Variants in LHFPL3 observed in about 807,000 individuals in gnomAD.
LHFPL3 encodes the protein LHFPL tetraspan subfamily member 3 protein.
In LHFPL3, 5 loss-of-function variants were observed where a neutral mutation model predicts 19.3. That is an observed-to-expected ratio of 0.26 (90% CI 0.14 to 0.54). The LOEUF (loss-of-function observed/expected upper bound fraction) is 0.54, where lower values mean the gene tolerates loss of function less well. LHFPL3 is among the 20% of genes least tolerant of loss of function. The pLI is 0.94. For missense variants in LHFPL3, 249 were observed against 307.4 expected, an observed-to-expected ratio of 0.81 and a Z score of 1.42; for synonymous variants, 133 against 126.2, an observed-to-expected ratio of 1.05 and a Z score of -0.36.
At chr7:104,793,209 T>C (rs2116452787) in intron 2 of LHFPL3, among the ~76,000 whole-genome samples, 1 of 152,308 alleles carries the variant, frequency 6.6e-6, no homozygotes, top group South Asian at 2.1e-4. Context: ...CTAGCATTTC[T>C]AAGATGCAGT....
chr7:104,625,398 A>C (rs1345675541), intron 1 of LHFPL3, among the ~76,000 whole-genome samples: 1 of 152,228 alleles, frequency 6.6e-6, no homozygotes, highest in Admixed American at 6.5e-5. Context: ...AAAGTGCTGC[A>C]CGCCTCAGTT....
chr7:104,573,717 C>T (rs1790273801), intron 1 of LHFPL3, among the ~76,000 whole-genome samples: 1 of 152,200 alleles, frequency 6.6e-6, no homozygotes, highest in Non-Finnish European at 1.5e-5. Flanking sequence ...CTTCAATCAG[C>T]TCACCTCAGT....
At chr7:104,453,718 T>G (rs770302627) in intron 1 of LHFPL3, among the ~76,000 whole-genome samples, 33 of 152,084 alleles carry the variant, frequency 2.2e-4, no homozygotes, top group Non-Finnish European at 4.0e-4. Flanking sequence ...GGCGGGTCCC[T>G]CATGAATGGC....
intron 1 of LHFPL3, among the ~76,000 whole-genome samples, chr7:104,334,495 C>T (rs765082774): frequency 2.0e-5 from 3 of 152,206 alleles, no homozygotes; most frequent in Admixed American, 6.5e-5. Context: ...TACACTGAGC[C>T]GAGATCATGC....
intron 1 of LHFPL3, among the ~76,000 whole-genome samples, chr7:104,559,566 T>C (rs1789939069): frequency 6.6e-6 from 1 of 151,998 alleles, no homozygotes; most frequent in Non-Finnish European, 1.5e-5. Flanking sequence ...CTTATCAGCT[T>C]AAGGAGATTT....
At chr7:104,884,277 T>G (rs1319208163) in intron 2 of LHFPL3, among the ~76,000 whole-genome samples, 2 of 152,136 alleles carry the variant, frequency 1.3e-5, no homozygotes, top group Admixed American at 1.3e-4. Context: ...CCTCTTTCCT[T>G]CCACTTCGTT....
chr7:104,566,932 T>C (rs1790135672), intron 1 of LHFPL3, among the ~76,000 whole-genome samples: 1 of 152,222 alleles, frequency 6.6e-6, no homozygotes, highest in South Asian at 2.1e-4. Flanking sequence ...TATCCTTGGC[T>C]TTGTTAGAAT....
chr7:104,573,127 T>C (rs557224953), intron 1 of LHFPL3, among the ~76,000 whole-genome samples: 1 of 152,220 alleles, frequency 6.6e-6, no homozygotes, highest in African/African-American at 2.4e-5. Flanking sequence ...TAAAGACAAA[T>C]ATTGGCCAGG....
intron 1 of LHFPL3, among the ~76,000 whole-genome samples, chr7:104,588,800 T>C (rs909694770): frequency 5.3e-5 from 8 of 152,218 alleles, no homozygotes; most frequent in African/African-American, 1.9e-4. Context: ...TGTTGAGCAG[T>C]GGTTTGTAGT....
Position 104,667,787 on chromosome 7 carries a change from G to T in LHFPL3, c.446-68888G>T. 5.0e-6 allele frequency: 8 copies of T among 1,598,048 alleles called. No homozygotes were observed. In the South Asian group the frequency reaches 8.8e-5, roughly 18 times the overall value. Reference sequence around the variant, plus strand: ...CAAAAAAGAAGAATAAGAAGGGGAAGACTATCTCCCTAACAGACTTTCTGG... The same window carrying T: ...CAAAAAAGAAGAATAAGAAGGGGAATACTATCTCCCTAACAGACTTTCTGG... On this transcript the variant is annotated intron_variant, in intron 1 of 2. Coordinates refer to ENST00000424859, the MANE Select transcript of LHFPL3 (RefSeq NM_199000.3).
chr7:104,473,577 G>T (rs1482464575), intron 1 of LHFPL3, among the ~76,000 whole-genome samples: 1 of 152,200 alleles, frequency 6.6e-6, no homozygotes, highest in African/African-American at 2.4e-5. Context: ...GGCTCTGGGA[G>T]TCAGAACAGC....
chr7:104,835,399 T>A (rs1791071085), intron 2 of LHFPL3, among the ~76,000 whole-genome samples: 1 of 151,958 alleles, frequency 6.6e-6, no homozygotes, highest in Non-Finnish European at 1.5e-5. Flanking sequence ...GGAGATTCTC[T>A]GTAGGCACAA....
At chr7:104,653,697 T>C (rs1349066071) in intron 1 of LHFPL3, among the ~76,000 whole-genome samples, 4 of 152,208 alleles carry the variant, frequency 2.6e-5, no homozygotes, top group Non-Finnish European at 5.9e-5. Flanking sequence ...CAGGTCACCC[T>C]TTTCATCATT....
chr7:104,692,261 G>T (rs1360753269), intron 1 of LHFPL3, among the ~76,000 whole-genome samples: 1 of 152,214 alleles, frequency 6.6e-6, no homozygotes, highest in African/African-American at 2.4e-5. Flanking sequence ...GGCTGATGAT[G>T]TGATAGAAAA....
At chr7:104,390,804 T>G (rs972570825) in intron 1 of LHFPL3, among the ~76,000 whole-genome samples, 11 of 152,312 alleles carry the variant, frequency 7.2e-5, no homozygotes, top group Middle Eastern at 3.4e-3. Flanking sequence ...CCACCAACAG[T>G]GTAAAAGTGT....
intron 1 of LHFPL3, among the ~76,000 whole-genome samples, chr7:104,416,777 G>A (rs538598832): frequency 2.0e-4 from 30 of 152,308 alleles, no homozygotes; most frequent in Non-Finnish European, 2.9e-5. Flanking sequence ...GCCACAGACT[G>A]GGTAATTTAC....
Position 104,702,112 on chromosome 7 carries a change from G to A in LHFPL3, c.446-34563G>A, listed in dbSNP as rs148808416. On this transcript the variant is annotated intron_variant, in intron 1 of 2. Coordinates refer to ENST00000424859, the MANE Select transcript of LHFPL3 (RefSeq NM_199000.3). ...TCATTGTTCAACTCCCACTTATGGT[G>A]AGAACATGCAGAGTTTGGTTTTCTG... Among the ~76,000 whole-genome samples the A allele has an allele frequency of 6.6e-5, 10 of 151,930 alleles. 1 individual carries two copies. In the East Asian group the frequency reaches 1.7e-3, roughly 26 times the overall value.
chr7:104,727,811 TAC>T (rs1430029538), intron 1 of LHFPL3, among the ~76,000 whole-genome samples: 1 of 152,170 alleles, frequency 6.6e-6, no homozygotes, highest in Non-Finnish European at 1.5e-5. Context: ...GGGGCTGGAT[TAC>T]AGAGTTTTTG....
At chr7:104,371,262 C>T (rs945725321) in intron 1 of LHFPL3, among the ~76,000 whole-genome samples, 2 of 152,166 alleles carry the variant, frequency 1.3e-5, no homozygotes, top group African/African-American at 4.8e-5. Flanking sequence ...AAAAATTAAT[C>T]TTGTCTCCCA....
Sources: allele counts gnomAD v4.1 joint callset (sites outside exome capture counted in the v4.1 genomes callset), GRCh38; gene constraint gnomAD v4.1.1; transcripts MANE v1.5; gene names NCBI Gene and HGNC (gene_info 2026-07-23, HGNC 2026-07-21).